Variants in ESRRG observed in about 807,000 individuals in gnomAD.
The protein encoded by ESRRG is estrogen related receptor gamma, also known as estrogen-related receptor gamma.
In ESRRG, 13 loss-of-function variants were observed where a neutral mutation model predicts 44.0. The ratio of observed to expected loss-of-function variants is 0.30; its 90% confidence interval spans 0.19 to 0.47. ESRRG has a LOEUF of 0.47. Ranked by LOEUF, ESRRG falls within the 20% of genes least tolerant of loss-of-function variation. The pLI is 1.00. For missense variants in ESRRG, 395 were observed against 580.6 expected, an observed-to-expected ratio of 0.68 and a Z score of 3.29; for synonymous variants, 215 against 214.6, an observed-to-expected ratio of 1.00 and a Z score of -0.02.
At chr1:216,780,700 T>C (rs1458530060) in intron 2 of ESRRG, among the ~76,000 whole-genome samples, 1 of 151,996 alleles carries the variant, frequency 6.6e-6, no homozygotes, top group Admixed American at 6.6e-5. Context: ...GGGAGTGGGT[T>C]CCTACAGATG....
At chr1:216,781,923 T>C (rs909877637) in intron 2 of ESRRG, among the ~76,000 whole-genome samples, 1 of 152,062 alleles carries the variant, frequency 6.6e-6, no homozygotes, top group Non-Finnish European at 1.5e-5. Context: ...GACAAGCCTC[T>C]GATTGAAAAG....
intron 1 of ESRRG, among the ~76,000 whole-genome samples, chr1:217,134,922 G>T (rs1003779702): frequency 1.3e-5 from 2 of 152,236 alleles, no homozygotes; most frequent in African/African-American, 4.8e-5. Flanking sequence ...CGCAGCCGCT[G>T]GAAAAAGGTG....
At chr1:216,564,685 T>C (rs948789916) in intron 4 of ESRRG, among the ~76,000 whole-genome samples, 1 of 152,174 alleles carries the variant, frequency 6.6e-6, no homozygotes, top group East Asian at 1.9e-4. Flanking sequence ...AGAAGTTAGA[T>C]GCTTTCTGGG....
At chr1:217,110,698 C>T (rs1377007777) in intron 1 of ESRRG, among the ~76,000 whole-genome samples, 1 of 152,146 alleles carries the variant, frequency 6.6e-6, no homozygotes, top group Non-Finnish European at 1.5e-5. Flanking sequence ...AACTCACTCA[C>T]TATCATAGGA....
intron 3 of ESRRG, among the ~76,000 whole-genome samples, chr1:216,580,817 G>A (rs1306202979): frequency 6.6e-6 from 1 of 152,158 alleles, no homozygotes; most frequent in Non-Finnish European, 1.5e-5. Flanking sequence ...GGGAAGACTG[G>A]AGCCAAATGG....
chr1:216,517,173 G>A (rs2148885041), intron 6 of ESRRG, among the ~76,000 whole-genome samples: 1 of 152,080 alleles, frequency 6.6e-6, no homozygotes, highest in East Asian at 1.9e-4. Context: ...CATGATAAGA[G>A]AAGAAAGGAG....
intron 3 of ESRRG, among the ~76,000 whole-genome samples, chr1:216,625,423 CA>C (rs57817803): frequency 0.22 from 25,140 of 115,672 alleles, 2,656 homozygotes; most frequent in Middle Eastern, 0.31. Context: ...GCTCATTTGG[CA>C]AAAAAAAAAA....
At chr1:216,981,183 T>C (rs1579010160) in intron 1 of ESRRG, among the ~76,000 whole-genome samples, 1 of 152,228 alleles carries the variant, frequency 6.6e-6, no homozygotes, top group Admixed American at 6.5e-5. Context: ...TATGTATATA[T>C]CTGTCTTTCC....
At chr1:217,119,192 AAAG>A (rs1176601360) in intron 1 of ESRRG, among the ~76,000 whole-genome samples, 4 of 152,234 alleles carry the variant, frequency 2.6e-5, no homozygotes, top group East Asian at 3.8e-4. Flanking sequence ...TACTGTGCAC[AAAG>A]AAGGTCTTGC....
chr1:216,530,900 A>G (rs1359593410), intron 5 of ESRRG, among the ~76,000 whole-genome samples: 1 of 152,116 alleles, frequency 6.6e-6, no homozygotes, highest in Non-Finnish European at 1.5e-5. Flanking sequence ...TTCTTGTCTT[A>G]CTATTACTAG....
Position 216,903,761 on chromosome 1 carries a change from C to T in ESRRG, c.-14+35821G>A, listed in dbSNP as rs189473806. Among the ~76,000 whole-genome samples, 472 of 152,168 alleles carry T rather than the reference C, an allele frequency of 3.1e-3. 2 individuals are homozygous for T. Among genetic ancestry groups the T allele is most frequent in the South Asian group, 7.9e-3 (38 of 4,810 alleles). The stretch of plus-strand genomic sequence containing the variant: ...GATGTCCTGGTTAAACTAAATGCCC[C>T]TGACATGCCATCTATACCAACCACC... On this transcript the variant is annotated intron_variant, in intron 2 of 7. Transcript: ENST00000359162.
chr1:216,809,182 A>G (rs1179257895), intron 2 of ESRRG, among the ~76,000 whole-genome samples: 1 of 152,210 alleles, frequency 6.6e-6, no homozygotes, highest in Non-Finnish European at 1.5e-5. Context: ...TAGAAAGGAC[A>G]ATTAAGCCAA....
intron 2 of ESRRG, among the ~76,000 whole-genome samples, chr1:216,816,498 T>C (rs1479130502): frequency 6.6e-6 from 1 of 152,206 alleles, no homozygotes; most frequent in Non-Finnish European, 1.5e-5. Flanking sequence ...ATAATGCCTT[T>C]TGTGGCTAGG....
chr1:216,589,501 C>A (rs2057283109), intron 3 of ESRRG, among the ~76,000 whole-genome samples: 1 of 151,960 alleles, frequency 6.6e-6, no homozygotes. Flanking sequence ...AATGAAAAGA[C>A]AAGGATTAAT....
At chr1:216,697,566 T>C (rs759815452) in intron 1 of ESRRG, among the ~76,000 whole-genome samples, 5 of 152,226 alleles carry the variant, frequency 3.3e-5, no homozygotes, top group South Asian at 4.1e-4. Flanking sequence ...ATGAGTATCT[T>C]TGAAGCACAA....
intron 2 of ESRRG, among the ~76,000 whole-genome samples, chr1:216,828,440 C>G (rs897978651): frequency 6.6e-6 from 1 of 152,128 alleles, no homozygotes; most frequent in Non-Finnish European, 1.5e-5. Context: ...GTTACCACAT[C>G]TGCCTGGTGG....
At chr1:216,769,836 T>A (rs77635532) in intron 2 of ESRRG, among the ~76,000 whole-genome samples, 1 of 152,176 alleles carries the variant, frequency 6.6e-6, no homozygotes, top group East Asian at 1.9e-4. Flanking sequence ...CTCAGAAATA[T>A]GGAAATCACA....
At chr1:217,017,427 G>C (rs1428520006) in intron 1 of ESRRG, among the ~76,000 whole-genome samples, 1 of 136,028 alleles carries the variant, frequency 7.4e-6, no homozygotes, top group African/African-American at 2.9e-5. Flanking sequence ...ACTGAATCTA[G>C]CTTGATTTTT....
intron 1 of ESRRG, among the ~76,000 whole-genome samples, chr1:217,094,761 G>T (rs1162445621): frequency 6.6e-6 from 1 of 152,214 alleles, no homozygotes; most frequent in Admixed American, 6.5e-5. Context: ...GTGAAGAGCA[G>T]AATTGAGTTG....
Sources: gnomAD v4.1 joint callset for allele counts (sites outside exome capture counted in the v4.1 genomes callset) on GRCh38, gnomAD v4.1.1 for gene constraint, MANE v1.5 for transcripts, NCBI Gene and HGNC (gene_info 2026-07-23, HGNC 2026-07-21) for gene names.